Variants in PON2 observed in about 807,000 individuals in gnomAD.
PON2 encodes the protein paraoxonase 2.
In PON2, 27 loss-of-function variants were observed where a neutral mutation model predicts 36.6. The observed-to-expected ratio is 0.74, with a 90% CI of 0.54 to 1.02. The LOEUF (loss-of-function observed/expected upper bound fraction) is 1.02, where lower values mean the gene tolerates loss of function less well. Ranked by LOEUF, PON2 falls within the 50% of genes least tolerant of loss-of-function variation. The probability of loss-of-function intolerance (pLI) is 0.00; values close to 1 mark genes in which losing one functional copy is unlikely to be tolerated. For synonymous variants in PON2, 149 were observed against 156.3 expected, an observed-to-expected ratio of 0.95 and a Z score of 0.35; for missense variants, 363 against 421.1, an observed-to-expected ratio of 0.86 and a Z score of 1.21.
intron 1 of PON2, among the ~76,000 whole-genome samples, chr7:95,425,034 T>G (rs1370233817): frequency 6.6e-6 from 1 of 152,136 alleles, no homozygotes; most frequent in East Asian, 1.9e-4. Context: ...AAAATGGCAT[T>G]GCTCAGAGCC....
intron 2 of PON2, chr7:95,418,196 A>G (rs1789115307): frequency 1.3e-5 from 2 of 152,220 alleles, no homozygotes; most frequent in Admixed American, 6.5e-5. Context: ...AGTCAATGCT[A>G]GAGAAATTTT....
At chr7:95,412,576 A>C in intron 3 of PON2, 99 bp from the exon 4 acceptor site, 1 of 1,291,282 alleles carries the variant, frequency 7.7e-7, no homozygotes, top group Non-Finnish European at 1.1e-6. Context: ...ATTGTGGTTA[A>C]AGTAGTGGCA....
At chr7:95,426,465 G>C (rs955552783) in intron 1 of PON2, among the ~76,000 whole-genome samples, 14 of 152,178 alleles carry the variant, frequency 9.2e-5, no homozygotes, top group African/African-American at 3.4e-4. Flanking sequence ...CATTATTCCA[G>C]TTTAAAAGAT....
intron 6 of PON2, 108 bp from the exon 7 acceptor site, chr7:95,407,176 G>T: frequency 1.4e-6 from 1 of 699,142 alleles, no homozygotes; most frequent in South Asian, 1.9e-5. Flanking sequence ...AATCAATCAT[G>T]GGCCCTCAAG....
rs113783479 is a variant in PON2 at position 95,419,313 on chromosome 7, T to C, written c.146-3016A>G. 5.0e-3 allele frequency among the ~76,000 whole-genome samples: 766 copies of C among 152,066 alleles called. 8 individuals are homozygous for C. Among genetic ancestry groups the C allele is most frequent in the African/African-American group, 0.017 (717 of 41,462 alleles). On this transcript the variant is annotated intron_variant, in intron 2 of 8. Transcript: ENST00000222572. ...TTTTGGTAGCCAACACTCAGGGAAG[T>C]TGGGGGGGATCTGGGGAGGGTATCC...
intron 1 of PON2, 46 bp from the exon 2 acceptor site, chr7:95,424,631 T>C (rs776035610): frequency 2.0e-6 from 3 of 1,466,586 alleles, no homozygotes; most frequent in African/African-American, 1.4e-5. Flanking sequence ...TATTTGTTTA[T>C]GTATTCCCTG....
In PON2 at chr7:95,432,899, C is replaced by T. The variant is rs182183635; in HGVS notation, c.74+1979G>A. ...GGAGCTGTGGCACAAACTCTGGTAG[C>T]ACCTTTGACTTCTCCCTCATCCCTG... On this transcript the variant is annotated intron_variant, in intron 1 of 8. Coordinates refer to ENST00000222572, the MANE Select transcript of PON2 (RefSeq NM_000305.3). Among the ~76,000 whole-genome samples, 169 of 152,316 alleles carry T rather than the reference C, an allele frequency of 1.1e-3. 1 individual carries two copies. Among genetic ancestry groups the T allele is most frequent in the Middle Eastern group, 3.4e-3 (1 of 294 alleles).
intron 2 of PON2, among the ~76,000 whole-genome samples, chr7:95,419,284 GAGCTTTTGGT>G (rs1397289156): frequency 6.6e-6 from 1 of 152,132 alleles, no homozygotes; most frequent in Non-Finnish European, 1.5e-5. Flanking sequence ...GGTGCACTCA[GAGCTTTTGGT>G]AGCCAACACT....
Position 95,411,788 on chromosome 7 carries a change from T to C in PON2, c.368-9A>G, listed in dbSNP as rs753010584. The C allele has an allele frequency of 2.9e-5, 47 of 1,613,068 alleles. No homozygotes were observed. The highest frequency in any genetic ancestry group is 1.7e-4 in the Middle Eastern group (1 of 5,990). On this transcript the variant is annotated splice_polypyrimidine_tract_variant and intron_variant, in intron 4 of 8. Coordinates refer to ENST00000222572, the MANE Select transcript of PON2 (RefSeq NM_000305.3). ...GAGATAAACTGTGTCATCTAAAGAA[T>C]TGAAAGAACAGAGTTAATTTACAAG...
intron 3 of PON2, among the ~76,000 whole-genome samples, chr7:95,413,833 A>G (rs1367894116): frequency 6.6e-6 from 1 of 152,190 alleles, no homozygotes; most frequent in Non-Finnish European, 1.5e-5. Flanking sequence ...ACAATTGTAT[A>G]TTTTCATGGA....
chr7:95,416,152 G>A (rs1789057075), intron 3 of PON2, 90 bp downstream of exon 3: 1 of 1,593,426 alleles, frequency 6.3e-7, no homozygotes, highest in African/African-American at 1.4e-5. Context: ...TTTGGAAAAT[G>A]AATTTTAAAA....
chr7:95,423,809 G>A (rs1789249367), intron 2 of PON2, among the ~76,000 whole-genome samples: 1 of 152,150 alleles, frequency 6.6e-6, no homozygotes, highest in Non-Finnish European at 1.5e-5. Flanking sequence ...TGTGGTTGGG[G>A]AGGCTTCAGG....
chr7:95,427,325 C>T (rs546631989), intron 1 of PON2, among the ~76,000 whole-genome samples: 115 of 152,274 alleles, frequency 7.6e-4, no homozygotes, highest in African/African-American at 2.6e-3. Flanking sequence ...ACAAAATTAA[C>T]GCCATGCCCA....
At chr7:95,407,354 C>A (rs1809726793) in intron 6 of PON2, among the ~76,000 whole-genome samples, 1 of 152,024 alleles carries the variant, frequency 6.6e-6, no homozygotes, top group African/African-American at 2.4e-5. Flanking sequence ...ACTGAAATGA[C>A]AATAAAACAA....
chr7:95,406,097 A>G, intron 8 of PON2, 22 bp downstream of exon 8: 2 of 1,609,544 alleles, frequency 1.2e-6, no homozygotes, highest in Non-Finnish European at 1.7e-6. Context: ...AATTAAGTTT[A>G]AAAAACTGAA....
At chr7:95,406,910 G>T in intron 7 of PON2, 77 bp downstream of exon 7, 1 of 874,524 alleles carries the variant, frequency 1.1e-6, no homozygotes, top group Admixed American at 2.1e-5. Context: ...TGTTCTACGT[G>T]TGGTACTCTT....
chr7:95,412,215 G>A, intron 4 of PON2, 97 bp downstream of exon 4: 1 of 1,484,432 alleles, frequency 6.7e-7, no homozygotes, highest in Non-Finnish European at 9.4e-7. Flanking sequence ...TGAGTTAATT[G>A]TTCTTCTCTT....
chr7:95,407,409 T>C (rs1809728027), intron 6 of PON2, among the ~76,000 whole-genome samples: 1 of 152,206 alleles, frequency 6.6e-6, no homozygotes, highest in Admixed American at 6.5e-5. Flanking sequence ...ACAATATAAT[T>C]TGATACTTCT....
Position 95,424,568 on chromosome 7 carries a change from G to C in PON2, c.92C>G (p.Ser31Cys). 6.2e-7 allele frequency: 1 copy of C among 1,612,556 alleles called. No individual in the cohort carries two copies. Among genetic ancestry groups the C allele is most frequent in the East Asian group, 2.2e-5 (1 of 44,832 alleles). Residue 31 changes from serine to cysteine, a missense_variant, in exon 2 of 9, where the codon TCC becomes TGC. By Grantham distance (112) the Ser-to-Cys change is moderately radical. Coordinates refer to ENST00000222572, the MANE Select transcript of PON2 (RefSeq NM_000305.3). ...LLALRNRLKA[S>C]REVESVDLPH... ...AAGGTCTACAGATTCTACTTCTCTGGAGGCTTTAAGTCGATTTCTGTTACA... is the reference window on the plus strand; with the variant it reads ...AAGGTCTACAGATTCTACTTCTCTGCAGGCTTTAAGTCGATTTCTGTTACA...
Sources: gnomAD v4.1 joint callset for allele counts (sites outside exome capture counted in the v4.1 genomes callset) on GRCh38, gnomAD v4.1.1 for gene constraint, MANE v1.5 for transcripts, NCBI Gene and HGNC (gene_info 2026-07-23, HGNC 2026-07-21) for gene names.